The following ARHGEF28 variants were observed in gnomAD, a reference collection of about 807,000 sequenced individuals.
The protein encoded by ARHGEF28 is 190 kDa guanine nucleotide exchange factor.
ARHGEF28 carries 152 observed loss-of-function variants against 206.6 expected under a neutral mutation model. The ratio of observed to expected loss-of-function variants is 0.74; its 90% confidence interval spans 0.64 to 0.84. The LOEUF is 0.84. Ranked by LOEUF, ARHGEF28 falls within the 40% of genes least tolerant of loss-of-function variation. ARHGEF28 has a pLI of 0.00. For missense variants in ARHGEF28, 2,028 were observed against 2,073.2 expected, an observed-to-expected ratio of 0.98 and a Z score of 0.42; for synonymous variants, 763 against 776.4, an observed-to-expected ratio of 0.98 and a Z score of 0.29.
intron 6 of ARHGEF28, among the ~76,000 whole-genome samples, chr5:73,779,939 G>A (rs747315802): frequency 9.2e-5 from 14 of 152,164 alleles, no homozygotes; most frequent in Middle Eastern, 3.2e-3. Context: ...TTAATGACAC[G>A]CCCAAGGGGA....
Position 73,759,647 on chromosome 5 carries a change from G to C in ARHGEF28, c.475+6445G>C, listed in dbSNP as rs190486311. ...TAATTCAATAGCTTTTTGGGGAACA[G>C]TAGATGTTTGGTCCAGCAGTTCTTA... On this transcript the variant is annotated intron_variant, in intron 4 of 35. Coordinates refer to ENST00000513042, the MANE Select transcript of ARHGEF28 (RefSeq NM_001177693.2). Among the ~76,000 whole-genome samples the C allele has an allele frequency of 1.3e-3, 192 of 152,300 alleles. 2 individuals are homozygous for C. Among genetic ancestry groups the C allele is most frequent in the African/African-American group, 4.4e-3 (182 of 41,562 alleles).
At chr5:73,807,079 A>G (rs1339881308) in intron 9 of ARHGEF28, among the ~76,000 whole-genome samples, 1 of 149,738 alleles carries the variant, frequency 6.7e-6, no homozygotes, top group African/African-American at 2.5e-5. Context: ...TTGGAATGTA[A>G]CATTATCGGA....
chr5:73,743,664 G>A (rs538965536), intron 2 of ARHGEF28, among the ~76,000 whole-genome samples: 47 of 129,334 alleles, frequency 3.6e-4, no homozygotes, highest in African/African-American at 2.2e-3. Flanking sequence ...CTTCAAATCA[G>A]ATCAGGGGTT....
intron 1 of ARHGEF28, among the ~76,000 whole-genome samples, chr5:73,672,905 A>G (rs1203321579): frequency 2.0e-5 from 3 of 152,218 alleles, no homozygotes; most frequent in Non-Finnish European, 4.4e-5. Context: ...AGGCTGCACA[A>G]TTTCAGACTG....
chr5:73,722,815 A>G (rs1213400779), intron 2 of ARHGEF28, among the ~76,000 whole-genome samples: 1 of 152,248 alleles, frequency 6.6e-6, no homozygotes, highest in Non-Finnish European at 1.5e-5. Flanking sequence ...TATATTAACA[A>G]ATAAGGCTAA....
chr5:73,756,525 C>T (rs917908251), intron 4 of ARHGEF28, among the ~76,000 whole-genome samples: 4 of 152,110 alleles, frequency 2.6e-5, no homozygotes, highest in African/African-American at 9.7e-5. Flanking sequence ...TGTTTGAAGT[C>T]GAATTTTACT....
At chr5:73,868,413 A>G (rs145435901) in intron 20 of ARHGEF28, among the ~76,000 whole-genome samples, 186 bp downstream of exon 20, 2,112 of 152,316 alleles carry the variant, frequency 0.014, 55 homozygotes, top group African/African-American at 0.045. Flanking sequence ...GGAGAAAACC[A>G]GAGAGTGACC....
intron 7 of ARHGEF28, among the ~76,000 whole-genome samples, chr5:73,784,357 C>A (rs947005665): frequency 1.3e-5 from 2 of 152,082 alleles, no homozygotes; most frequent in Non-Finnish European, 2.9e-5. Context: ...GCCTACGATC[C>A]AGTTATGTTT....
intron 34 of ARHGEF28, 119 bp from the exon 35 acceptor site, chr5:73,911,156 A>G: frequency 9.7e-7 from 1 of 1,027,382 alleles, no homozygotes; most frequent in Non-Finnish European, 1.4e-6. Flanking sequence ...AAGAAGTGGT[A>G]ATCTTGACCT....
intron 10 of ARHGEF28, among the ~76,000 whole-genome samples, chr5:73,832,721 CTCT>C (rs1329077524): frequency 1.3e-5 from 2 of 152,014 alleles, no homozygotes; most frequent in African/African-American, 4.8e-5. Context: ...AGTGTGAGAG[CTCT>C]TCTTCGGGGC....
At chr5:73,683,849 C>G (rs1747266568) in intron 1 of ARHGEF28, among the ~76,000 whole-genome samples, 2 of 152,278 alleles carry the variant, frequency 1.3e-5, no homozygotes, top group South Asian at 4.1e-4. Flanking sequence ...ACAGGTGAAG[C>G]TTTCAACATG....
Position 73,773,949 on chromosome 5 carries a change from G to A in ARHGEF28, c.570G>A (p.Gln190=). Residue 190 remains glutamine (Q), a synonymous_variant, in exon 5 of 36, where the codon CAG becomes CAA. Coordinates refer to ENST00000513042, the MANE Select transcript of ARHGEF28 (RefSeq NM_001177693.2). ...QFFLCLPGGV[Q]ALALPNEEGA... ...TCTTGTGTCTCCCGGGGGGAGTCCA[G>A]GCCTTGGCTTTACCCAACGAAGAGG... 6.2e-7 allele frequency: 1 copy of A among 1,607,628 alleles called. No individual in the cohort carries two copies. The highest frequency in any genetic ancestry group is 8.5e-7 in the Non-Finnish European group (1 of 1,176,912).
At chr5:73,837,702 T>C (rs940587642) in intron 10 of ARHGEF28, among the ~76,000 whole-genome samples, 13 of 150,842 alleles carry the variant, frequency 8.6e-5, no homozygotes, top group Admixed American at 4.6e-4. Context: ...TCGTTCTCTT[T>C]CTTTCTTTCT....
In ARHGEF28 at chr5:73,776,657, C is replaced by G; in HGVS notation, c.801C>G (p.Leu267=). Reference sequence around the variant, plus strand: ...ATTTGTTGGAGGCAGATATTAAACTCTTCCGGAAATACTTTTGGGATAGAG... The same window carrying G: ...ATTTGTTGGAGGCAGATATTAAACTGTTCCGGAAATACTTTTGGGATAGAG... ...AEHLLEADIK[L]FRKYFWDRAF... is the part of the protein sequence containing the mutation. The change falls in exon 6 of 36, where the codon CTC becomes CTG. Residue 267 remains leucine, a synonymous_variant. Transcript: ENST00000513042. The G allele has an allele frequency of 6.2e-7, 1 of 1,613,634 alleles. No individual in the cohort carries two copies.
rs780349696 is a variant in ARHGEF28, at chr5:73,836,751, G to T, written c.1147-3729G>T. On this transcript the variant is annotated intron_variant, in intron 10 of 35. Coordinates refer to ENST00000513042, the MANE Select transcript of ARHGEF28 (RefSeq NM_001177693.2). The stretch of plus-strand genomic sequence containing the variant: ...TAATTGCCAAGACCAATGTCAAGGA[G>T]TTTTTCCTCTGTGCTTCCTCCTAGG... Among the ~76,000 whole-genome samples the T allele has an allele frequency of 5.9e-5, 9 of 152,240 alleles. No homozygotes were observed. In the Middle Eastern group the frequency reaches 0.01, roughly 173 times the overall value.
chr5:73,864,425 A>G (rs953448544), intron 16 of ARHGEF28, among the ~76,000 whole-genome samples: 1 of 152,114 alleles, frequency 6.6e-6, no homozygotes, highest in Non-Finnish European at 1.5e-5. Flanking sequence ...TGTGGTAGGC[A>G]TTTTACCCAG....
chr5:73,665,978 T>C (rs1458679389), intron 1 of ARHGEF28, among the ~76,000 whole-genome samples: 1 of 152,164 alleles, frequency 6.6e-6, no homozygotes, highest in East Asian at 1.9e-4. Context: ...GTACAAACTG[T>C]CATATAAATC....
intron 35 of ARHGEF28, among the ~76,000 whole-genome samples, chr5:73,938,341 G>C (rs1013896204): frequency 3.9e-5 from 6 of 151,974 alleles, no homozygotes; most frequent in African/African-American, 1.2e-4. Flanking sequence ...GCCATTAAGG[G>C]GATTTTCCAT....
chr5:73,684,923 C>T lies in ARHGEF28; in HGVS notation c.33+39C>T, dbSNP rs761204626. On this transcript the variant is annotated intron_variant, in intron 2 of 35. Coordinates refer to ENST00000513042, the MANE Select transcript of ARHGEF28 (RefSeq NM_001177693.2). ...CACGGGGCTTCAGGTCCAAGGGGCC[C>T]TTTCTTAACTCCAAACCATGTGACT... is the stretch of plus-strand genomic sequence containing the variant. 25 of 1,604,840 alleles carry T rather than the reference C, an allele frequency of 1.6e-5. 1 individual carries two copies. The South Asian group carries it at 2.6e-4, about 17-fold the overall frequency.
Sources: gnomAD v4.1 joint callset for allele counts (sites outside exome capture counted in the v4.1 genomes callset) on GRCh38, gnomAD v4.1.1 for gene constraint, MANE v1.5 for transcripts, NCBI Gene and HGNC (gene_info 2026-07-23, HGNC 2026-07-21) for gene names.